Variants in ROR1 observed in about 807,000 individuals in gnomAD.
ROR1 encodes ROR family WNT receptor 1, also known as inactive tyrosine-protein kinase transmembrane receptor ROR1.
In ROR1, 19 loss-of-function variants were observed where a neutral mutation model predicts 78.8. That is an observed-to-expected ratio of 0.24 (90% CI 0.17 to 0.35). The LOEUF (loss-of-function observed/expected upper bound fraction) is 0.35, where lower values mean the gene tolerates loss of function less well. ROR1 is among the 10% of genes least tolerant of loss of function. The pLI is 1.00. For missense variants in ROR1, 917 were observed against 1,177.8 expected, an observed-to-expected ratio of 0.78 and a Z score of 3.24; for synonymous variants, 386 against 433.6, an observed-to-expected ratio of 0.89 and a Z score of 1.36.
intron 2 of ROR1, among the ~76,000 whole-genome samples, chr1:64,018,280 C>T (rs1309425296): frequency 1.3e-5 from 2 of 152,140 alleles, no homozygotes; most frequent in Non-Finnish European, 2.9e-5. Context: ...CATGGGGCTC[C>T]TCCCTCAGTT....
intron 4 of ROR1, among the ~76,000 whole-genome samples, chr1:64,086,330 T>C (rs969898971): frequency 6.6e-6 from 1 of 152,200 alleles, no homozygotes; most frequent in Admixed American, 6.5e-5. Context: ...ATATTCCAAG[T>C]CCAGGTCTTT....
At chr1:64,161,872 A>G (rs1649955606) in intron 8 of ROR1, among the ~76,000 whole-genome samples, 1 of 152,186 alleles carries the variant, frequency 6.6e-6, no homozygotes, top group African/African-American at 2.4e-5. Flanking sequence ...GAGTTATTCA[A>G]TTGTTTGTTT....
At chr1:63,956,308 C>G (rs1645981646) in intron 1 of ROR1, among the ~76,000 whole-genome samples, 1 of 152,134 alleles carries the variant, frequency 6.6e-6, no homozygotes, top group South Asian at 2.1e-4. Context: ...GAGCTCATTT[C>G]TAAAGAGGCC....
intron 5 of ROR1, 63 bp downstream of exon 5, chr1:64,137,559 T>C: frequency 6.6e-7 from 1 of 1,515,558 alleles, no homozygotes; most frequent in Non-Finnish European, 9.0e-7. Context: ...CCAAAAGTTT[T>C]ATTGAGCTCC....
At chr1:64,050,069 A>G in intron 3 of ROR1, 91 bp downstream of exon 3, 1 of 1,387,282 alleles carries the variant, frequency 7.2e-7, no homozygotes, top group East Asian at 2.3e-5. Context: ...GAAGGAATGC[A>G]CACTTAGTGA....
chr1:63,992,418 G>A (rs1323829818), intron 1 of ROR1, among the ~76,000 whole-genome samples: 2 of 152,082 alleles, frequency 1.3e-5, no homozygotes, highest in East Asian at 3.9e-4. Flanking sequence ...ATGTTGGCCA[G>A]GATGGTCTTG....
chr1:64,113,868 C>T (rs2100678023), intron 4 of ROR1: 1 of 152,028 alleles, frequency 6.6e-6, no homozygotes, highest in East Asian at 1.9e-4. Context: ...CTTTTGGAAT[C>T]TGACAGATCT....
chr1:64,121,940 C>T (rs1276229595), intron 4 of ROR1, among the ~76,000 whole-genome samples: 2 of 152,216 alleles, frequency 1.3e-5, no homozygotes. Flanking sequence ...CCTCTTTAAA[C>T]TGTGAGCTCT....
At chr1:64,168,811 T>C (rs998013299) in intron 8 of ROR1, among the ~76,000 whole-genome samples, 2 of 152,232 alleles carry the variant, frequency 1.3e-5, no homozygotes, top group Non-Finnish European at 2.9e-5. Context: ...ATCAGACACA[T>C]TGTGGTCATT....
intron 4 of ROR1, among the ~76,000 whole-genome samples, chr1:64,117,855 A>G (rs1648371353): frequency 6.6e-6 from 1 of 151,806 alleles, no homozygotes. Flanking sequence ...CATGATCACC[A>G]TCTACTTCCT....
chr1:63,810,489 G>T (rs985557634), intron 1 of ROR1, among the ~76,000 whole-genome samples: 6 of 152,168 alleles, frequency 3.9e-5, no homozygotes, highest in Non-Finnish European at 7.4e-5. Flanking sequence ...GGCAGGAGGG[G>T]GAAACACACA....
chr1:63,969,604 C>T (rs1331979288), intron 1 of ROR1, among the ~76,000 whole-genome samples: 1 of 152,092 alleles, frequency 6.6e-6, no homozygotes, highest in Non-Finnish European at 1.5e-5. Flanking sequence ...TTCCTGTCCC[C>T]ATGAATGGCC....
chr1:64,166,400 A>G (rs189714493), intron 8 of ROR1, among the ~76,000 whole-genome samples: 250 of 152,272 alleles, frequency 1.6e-3, no homozygotes, highest in African/African-American at 5.7e-3. Flanking sequence ...AAGAATATCA[A>G]TGGTAGTTGA....
intron 2 of ROR1, among the ~76,000 whole-genome samples, chr1:64,027,598 T>A (rs1184178998): frequency 1.3e-5 from 2 of 152,206 alleles, no homozygotes; most frequent in Non-Finnish European, 2.9e-5. Flanking sequence ...ATTCCTATTA[T>A]ATTTCAACAT....
intron 3 of ROR1, among the ~76,000 whole-genome samples, chr1:64,050,194 C>A (rs1646817585): frequency 6.6e-6 from 1 of 152,202 alleles, no homozygotes; most frequent in African/African-American, 2.4e-5. Context: ...AACAGCAGAG[C>A]AGGAATGAGG....
At chr1:64,155,312 A>T (rs1186079614) in intron 7 of ROR1, among the ~76,000 whole-genome samples, 1 of 152,224 alleles carries the variant, frequency 6.6e-6, no homozygotes, top group East Asian at 1.9e-4. Flanking sequence ...GAAGATTTTC[A>T]GAGCCAGCAG....
intron 7 of ROR1, among the ~76,000 whole-genome samples, chr1:64,147,947 A>G (rs1649518083): frequency 6.6e-6 from 1 of 152,098 alleles, no homozygotes; most frequent in African/African-American, 2.4e-5. Context: ...TGTAGAGGTC[A>G]GGGATGTTGC....
At chr1:64,001,111 A>G (rs889547327) in intron 1 of ROR1, among the ~76,000 whole-genome samples, 2 of 152,262 alleles carry the variant, frequency 1.3e-5, no homozygotes, top group Non-Finnish European at 2.9e-5. Context: ...GCGAATGGTT[A>G]AACAAAATGT....
chr1:64,080,273 G>A (rs61765400), intron 4 of ROR1, among the ~76,000 whole-genome samples: 22,504 of 152,072 alleles, frequency 0.15, 1,732 homozygotes, highest in Middle Eastern at 0.19. Flanking sequence ...TGTCATGACT[G>A]GAGAGGGATG....
Sources: allele counts gnomAD v4.1 joint callset (sites outside exome capture counted in the v4.1 genomes callset), GRCh38; gene constraint gnomAD v4.1.1; transcripts MANE v1.5; gene names NCBI Gene and HGNC (gene_info 2026-07-23, HGNC 2026-07-21).